Variants in CDC25C observed in about 807,000 individuals in gnomAD.
The protein encoded by CDC25C is cell division cycle 25C.
Under a neutral mutation model 52.5 loss-of-function variants are expected in CDC25C, and 48 were observed. That is an observed-to-expected ratio of 0.91 (90% confidence interval 0.72 to 1.16). CDC25C has a LOEUF of 1.16. CDC25C is among the 50% of genes most tolerant of loss of function. The probability of loss-of-function intolerance (pLI) is 0.00; values close to 1 mark genes in which losing one functional copy is unlikely to be tolerated. For missense variants in CDC25C, 510 were observed against 566.1 expected (o/e 0.90, Z 1.01); for synonymous variants, 187 against 206.5 (o/e 0.91, Z 0.81).
chr5:138,333,047 C>T (rs543268578), upstream of CDC25C, among the ~76,000 whole-genome samples: 12 of 152,070 alleles, frequency 7.9e-5, no homozygotes, highest in Admixed American at 3.9e-4. Flanking sequence ...GTCTGGGTTG[C>T]GGTTGCGGCC....
chr5:138,294,095 G>A (rs560103358), intron 7 of CDC25C, among the ~76,000 whole-genome samples: 35 of 145,914 alleles, frequency 2.4e-4, no homozygotes, highest in African/African-American at 6.3e-4. Flanking sequence ...GCATGATCTC[G>A]GCTCATTGCA....
chr5:138,307,361 A>C (rs1758083469), intron 7 of CDC25C, among the ~76,000 whole-genome samples: 1 of 151,162 alleles, frequency 6.6e-6, no homozygotes, highest in African/African-American at 2.4e-5. Context: ...GCATGGTTGC[A>C]TGTGCCTGTA....
chr5:138,300,683 T>G (rs1229149245), intron 7 of CDC25C, among the ~76,000 whole-genome samples: 1 of 152,194 alleles, frequency 6.6e-6, no homozygotes, highest in Admixed American at 6.5e-5. Context: ...GAATAGAGAC[T>G]ATACATTTTC....
At chr5:138,338,331 G>C (rs1186716371), upstream of CDC25C, 4 of 465,646 alleles carry the variant, frequency 8.6e-6, no homozygotes, top group African/African-American at 2.0e-5. Flanking sequence ...GGCAGGTGGC[G>C]CTGGGGCCTC....
intron 7 of CDC25C, among the ~76,000 whole-genome samples, chr5:138,303,471 C>T (rs1313963779): frequency 1.3e-5 from 2 of 152,146 alleles, no homozygotes; most frequent in African/African-American, 2.4e-5. Flanking sequence ...TCATTTTCTA[C>T]CCTTCTCCAC....
At position 138,290,621 on chromosome 5, in the gene CDC25C, G is replaced by A. The variant is rs748555073; in HGVS notation, c.864+18C>T. Reference sequence around the variant, plus strand: ...AAAATGACTCACTGAAATACAGGATGGGTGTAGCCAAACTCACCTTGGAAA... The same window carrying A: ...AAAATGACTCACTGAAATACAGGATAGGTGTAGCCAAACTCACCTTGGAAA... On this transcript the variant is annotated intron_variant, in intron 9 of 13. Coordinates refer to ENST00000323760, the MANE Select transcript of CDC25C (RefSeq NM_001790.5). The A allele has an allele frequency of 7.5e-7, 1 of 1,337,838 alleles. No individual in the cohort carries two copies. Among genetic ancestry groups the A allele is most frequent in the Non-Finnish European group, 1.1e-6 (1 of 928,052 alleles). The allele number at this position is 1,337,838 out of a possible 1,614,324, so 82.9% of individuals were successfully genotyped here. A position where few individuals can be genotyped will look rare whatever the true frequency, so the allele number is the denominator to read the frequency against.
chr5:138,300,670 C>CT (rs1757564873), intron 7 of CDC25C, among the ~76,000 whole-genome samples: 1 of 152,090 alleles, frequency 6.6e-6, no homozygotes, highest in South Asian at 2.1e-4. Context: ...ATATTCTACT[C>CT]AAGAATAGAG....
intron 6 of CDC25C, among the ~76,000 whole-genome samples, chr5:138,324,574 A>G (rs897682774): frequency 5.3e-5 from 8 of 152,102 alleles, no homozygotes; most frequent in Admixed American, 1.3e-4. Flanking sequence ...CCTGGTCAAC[A>G]TGGTGAAACC....
At chr5:138,287,835 GA>G (rs879622881) in intron 10 of CDC25C, among the ~76,000 whole-genome samples, 20 of 152,022 alleles carry the variant, frequency 1.3e-4, no homozygotes, top group Non-Finnish European at 2.8e-4. Context: ...AAGTAAACAG[GA>G]AAAGTACACA....
exon 1 of CDC25C, chr5:138,338,242 C>G (rs1561738146): frequency 2.6e-6 from 3 of 1,174,296 alleles, no homozygotes; most frequent in Admixed American, 4.6e-5. Context: ...CTTTTAAGGG[C>G]ACCGTGGGGC....
chr5:138,286,145 A>G lies in CDC25C; in HGVS notation c.1161-12T>C. 1 of 1,594,520 alleles carries G rather than the reference A, an allele frequency of 6.3e-7. No individual in the cohort carries two copies. The highest frequency in any genetic ancestry group is 8.6e-7 in the Non-Finnish European group (1 of 1,163,906). The stretch of plus-strand genomic sequence containing the variant: ...GCAGACAGCGGCACCTTTAGAGAGA[A>G]CCCAGAGATGGGTGGGGTGGAAAGA... On this transcript the variant is annotated splice_polypyrimidine_tract_variant and intron_variant, in intron 12 of 13. Transcript: ENST00000323760.
intron 3 of CDC25C, chr5:138,328,787 T>G: frequency 3.3e-6 from 1 of 306,826 alleles, no homozygotes; most frequent in Non-Finnish European, 6.0e-6. Flanking sequence ...TTTTTTTTTC[T>G]TATGGGTAGA....
At position 138,289,526 on chromosome 5, in the gene CDC25C, T is replaced by C. The variant is rs1392539371; in HGVS notation, c.902A>G (p.Asp301Gly). The C allele has an allele frequency of 5.6e-6, 9 of 1,613,754 alleles. No individual in the cohort carries two copies. Among genetic ancestry groups the C allele is most frequent in the Non-Finnish European group, 6.8e-6 (8 of 1,179,764 alleles). ...ALPTVSGKHQDLKYVNPETVA... is the reference protein window; with the variant it reads ...ALPTVSGKHQGLKYVNPETVA... ...TGTTTCTGGGTTGACATACTTCAGA[T>C]CTTGGTGTTTCCCTGACACGGTTGG... The change falls in exon 10 of 14, where the codon GAT becomes GGT. Residue 301 changes from aspartate (D) to glycine (G), a missense_variant. Physicochemically the swap from Asp to Gly is moderately conservative, Grantham distance 94. Transcript: ENST00000323760.
intron 6 of CDC25C, among the ~76,000 whole-genome samples, chr5:138,322,041 G>A (rs956811919): frequency 2.0e-5 from 3 of 151,836 alleles, no homozygotes; most frequent in East Asian, 3.9e-4. Flanking sequence ...ATGCTTTGTC[G>A]CCCAGGCTGG....
At chr5:138,294,581 T>C (rs1438633064) in intron 7 of CDC25C, among the ~76,000 whole-genome samples, 1 of 147,242 alleles carries the variant, frequency 6.8e-6, no homozygotes, top group African/African-American at 2.5e-5. Flanking sequence ...CTCAGCGCAC[T>C]GCAAGCTCTG....
chr5:138,326,796 T>C (rs540515570), intron 4 of CDC25C, among the ~76,000 whole-genome samples: 16 of 151,270 alleles, frequency 1.1e-4, no homozygotes, highest in Admixed American at 5.3e-4. Flanking sequence ...CTACTAAAAA[T>C]ACAAAATTAG....
chr5:138,289,617 G>T, intron 9 of CDC25C, 54 bp from the exon 10 acceptor site: 1 of 1,403,448 alleles, frequency 7.1e-7, no homozygotes, highest in South Asian at 1.2e-5. Flanking sequence ...CCAAGTTTGA[G>T]ATCAAAGACC....
chr5:138,304,877 C>G (rs1757889423), intron 7 of CDC25C, among the ~76,000 whole-genome samples: 1 of 152,146 alleles, frequency 6.6e-6, no homozygotes, highest in South Asian at 2.1e-4. Context: ...CAAAACAAAT[C>G]AGACCATATT....
rs1284351570 is a variant in CDC25C, at chr5:138,313,401, AAG to A, written c.615+5816_615+5817del. Reference sequence around the variant, plus strand: ...TCACAAAAAAAAAAAAAAAAAAAAAAAGAGAGAATTTCTGCTTGGGGTAATAA... The same window carrying A: ...TCACAAAAAAAAAAAAAAAAAAAAAAAGAGAATTTCTGCTTGGGGTAATAA... On this transcript the variant is annotated intron_variant, in intron 7 of 13. Transcript: ENST00000323760. 2.8e-3 allele frequency among the ~76,000 whole-genome samples: 417 copies of A among 149,888 alleles called. 1 individual carries two copies. Among genetic ancestry groups the A allele is most frequent in the Admixed American group, 3.5e-3 (52 of 15,048 alleles).
Sources: allele counts gnomAD v4.1 joint callset (sites outside exome capture counted in the v4.1 genomes callset), GRCh38; gene constraint gnomAD v4.1.1; transcripts MANE v1.5; gene names NCBI Gene and HGNC (gene_info 2026-07-23, HGNC 2026-07-21).